The following RAB31 variants were observed in gnomAD, a reference collection of about 807,000 sequenced individuals.
RAB31 encodes the protein ras-related protein Rab-31.
Under a neutral mutation model 25.6 loss-of-function variants are expected in RAB31, and 21 were observed. The ratio of observed to expected loss-of-function variants is 0.82; its 90% CI spans 0.58 to 1.18. The LOEUF (loss-of-function observed/expected upper bound fraction) is 1.18. RAB31 is among the 50% of genes most tolerant of loss of function. The probability of loss-of-function intolerance (pLI) is 0.00; values close to 1 mark genes in which losing one functional copy is unlikely to be tolerated. For missense variants in RAB31, 196 were observed against 250.1 expected, an observed-to-expected ratio of 0.78 and a Z score of 1.46; for synonymous variants, 87 against 84.0, an observed-to-expected ratio of 1.04 and a Z score of -0.20.
chr18:9,710,438 T>A (rs1166388637), intron 1 of RAB31, among the ~76,000 whole-genome samples: 1 of 152,202 alleles, frequency 6.6e-6, no homozygotes, highest in Non-Finnish European at 1.5e-5. Context: ...ACTCTTTGAG[T>A]GGCTTCCTGC....
intron 1 of RAB31, among the ~76,000 whole-genome samples, chr18:9,724,665 A>G (rs868584697): frequency 5.0e-4 from 76 of 152,342 alleles, no homozygotes; most frequent in Admixed American, 1.4e-3. Flanking sequence ...CCTGGAATGC[A>G]CGCCTTTCTT....
At chr18:9,719,764 C>A (rs1405896124) in intron 1 of RAB31, among the ~76,000 whole-genome samples, 2 of 152,134 alleles carry the variant, frequency 1.3e-5, no homozygotes, top group Non-Finnish European at 2.9e-5. Flanking sequence ...CCACTTCACA[C>A]GATGAGTCAT....
chr18:9,775,954 A>AT (rs2068370256), intron 2 of RAB31, among the ~76,000 whole-genome samples: 1 of 151,650 alleles, frequency 6.6e-6, no homozygotes, highest in African/African-American at 2.4e-5. Flanking sequence ...ATGCCTGGCT[A>AT]TTTTTTTGTA....
At chr18:9,737,000 G>A (rs2068154311) in intron 1 of RAB31, among the ~76,000 whole-genome samples, 1 of 152,018 alleles carries the variant, frequency 6.6e-6, no homozygotes, top group Non-Finnish European at 1.5e-5. Flanking sequence ...TTATGTATTT[G>A]CACTTATAAA....
At chr18:9,732,334 A>C (rs1041248050) in intron 1 of RAB31, among the ~76,000 whole-genome samples, 5 of 98,580 alleles carry the variant, frequency 5.1e-5, no homozygotes, top group Non-Finnish European at 1.1e-4. Flanking sequence ...GTCTCCAGAG[A>C]AACCTCCCCA....
intron 1 of RAB31, among the ~76,000 whole-genome samples, chr18:9,712,992 A>G (rs920384474): frequency 6.6e-6 from 1 of 152,170 alleles, no homozygotes; most frequent in Non-Finnish European, 1.5e-5. Context: ...CATCTGGGTA[A>G]TGGGTACTTC....
At chr18:9,727,992 CTA>C (rs1437650273) in intron 1 of RAB31, among the ~76,000 whole-genome samples, 2 of 152,078 alleles carry the variant, frequency 1.3e-5, no homozygotes, top group Non-Finnish European at 2.9e-5. Context: ...TTTTTAATGA[CTA>C]AACTTAATGT....
chr18:9,789,758 C>T (rs2068450904), intron 2 of RAB31, among the ~76,000 whole-genome samples: 1 of 151,856 alleles, frequency 6.6e-6, no homozygotes, highest in African/African-American at 2.4e-5. Flanking sequence ...ATTAGGTCTC[C>T]CCGGTAGTCT....
rs1415734693 is a variant in RAB31 at position 9,766,572 on chromosome 18, T to G, written c.40-8706T>G. The stretch of plus-strand genomic sequence containing the variant: ...TGCCTGTTTCTCTCTTTATGTTATT[T>G]CTTTATGCCCACAAGGTCTGCTGCC... On this transcript the variant is annotated intron_variant, in intron 1 of 6. Coordinates refer to ENST00000578921, the MANE Select transcript of RAB31 (RefSeq NM_006868.4). The surrounding 1 kb of genome is among the most constrained non-coding windows in gnomAD (Gnocchi z 4.3). 6.6e-6 allele frequency among the ~76,000 whole-genome samples: 1 copy of G among 152,172 alleles called. No homozygotes were observed. The highest frequency in any genetic ancestry group is 1.5e-5 in the Non-Finnish European group (1 of 68,028).
chr18:9,809,594 A>G (rs1263704109), intron 3 of RAB31, among the ~76,000 whole-genome samples: 1 of 152,172 alleles, frequency 6.6e-6, no homozygotes, highest in African/African-American at 2.4e-5. Context: ...GGAAAATACC[A>G]CACTAGGCTG....
intron 6 of RAB31, among the ~76,000 whole-genome samples, chr18:9,851,452 A>C (rs963352165): frequency 6.6e-6 from 1 of 152,306 alleles, no homozygotes; most frequent in Non-Finnish European, 1.5e-5. Context: ...TCATTAATGC[A>C]CCCTTGATCC....
chr18:9,857,098 G>A (rs2068820025), intron 6 of RAB31, among the ~76,000 whole-genome samples: 1 of 152,208 alleles, frequency 6.6e-6, no homozygotes, highest in South Asian at 2.1e-4. Context: ...AAGCTCTGTA[G>A]ATCTCTGTTG....
chr18:9,782,292 C>T lies in RAB31; in HGVS notation c.119+6935C>T, dbSNP rs556014974. On this transcript the variant is annotated intron_variant, in intron 2 of 6. Coordinates refer to ENST00000578921, the MANE Select transcript of RAB31 (RefSeq NM_006868.4). ...CCCCAGGCCCAGGGCGGTTAGGGGA[C>T]TTGCCTAGGTGCACACAGCCCGTGA... Among the ~76,000 whole-genome samples, 7 of 152,344 alleles carry T rather than the reference C, an allele frequency of 4.6e-5. No individual in the cohort carries two copies. The East Asian group carries it at 9.6e-4, about 21-fold the overall frequency.
In RAB31 at chr18:9,813,584, G is replaced by C. The variant is rs967455863; in HGVS notation, c.202-436G>C. 3.3e-5 allele frequency among the ~76,000 whole-genome samples: 5 copies of C among 152,178 alleles called. No homozygotes were observed. The South Asian group carries it at 8.3e-4, about 25-fold the overall frequency. ...ATGAACTCTGGGGCCGGGTGCGGTAGCTCACACCTGTAATACCAGCACTTT... is the reference window on the plus strand; with the variant it reads ...ATGAACTCTGGGGCCGGGTGCGGTACCTCACACCTGTAATACCAGCACTTT... On this transcript the variant is annotated intron_variant, in intron 3 of 6. Coordinates refer to ENST00000578921, the MANE Select transcript of RAB31 (RefSeq NM_006868.4).
intron 2 of RAB31, 34 bp downstream of exon 2, chr18:9,775,391 C>A: frequency 4.3e-6 from 7 of 1,612,370 alleles, no homozygotes; most frequent in Non-Finnish European, 5.9e-6. Context: ...CTTCGCGTTG[C>A]TTCCTTTCAC....
chr18:9,834,480 C>T (rs768443765), intron 5 of RAB31, among the ~76,000 whole-genome samples: 2 of 152,148 alleles, frequency 1.3e-5, no homozygotes, highest in Non-Finnish European at 2.9e-5. Flanking sequence ...AAACACCTTT[C>T]CTATAGGCAT....
chr18:9,753,214 G>T (rs946846331), intron 1 of RAB31, among the ~76,000 whole-genome samples: 4 of 152,188 alleles, frequency 2.6e-5, no homozygotes, highest in Non-Finnish European at 5.9e-5. Context: ...TAAAACTCAC[G>T]TTGAAACTTA....
chr18:9,838,003 A>G (rs189714378), intron 5 of RAB31, among the ~76,000 whole-genome samples: 1 of 152,356 alleles, frequency 6.6e-6, no homozygotes, highest in Admixed American at 6.5e-5. Context: ...TCTGTAAGAA[A>G]GTAGTGCCAT....
At position 9,860,841 on chromosome 18, in the gene RAB31, A is replaced by T. The variant is rs936876156; in HGVS notation, c.*1516A>T. 6.6e-6 allele frequency: 1 copy of T among 152,202 alleles called. No individual in the cohort carries two copies. Among genetic ancestry groups the T allele is most frequent in the Non-Finnish European group, 1.5e-5 (1 of 68,040 alleles). 9.4% of individuals were successfully genotyped at this position (152,202 alleles called of 1,614,324 possible). A position where few individuals can be genotyped will look rare whatever the true frequency, so the allele number is the denominator to read the frequency against. On this transcript the variant is annotated 3_prime_UTR_variant, in exon 7 of 7. Coordinates refer to ENST00000578921, the MANE Select transcript of RAB31 (RefSeq NM_006868.4). ...TGGATTAAAGACCTGGCACTTCAGT[A>T]ACTCAGCACGCTTCCACTTCACTCA...
Sources: allele counts gnomAD v4.1 joint callset (sites outside exome capture counted in the v4.1 genomes callset), GRCh38; gene constraint gnomAD v4.1.1; non-coding constraint Gnocchi (gnomAD v3.1); transcripts MANE v1.5; gene names NCBI Gene and HGNC (gene_info 2026-07-23, HGNC 2026-07-21).